Variants in SLC38A10 observed in about 807,000 individuals in gnomAD.
SLC38A10 encodes solute carrier family 38 member 10.
Under a neutral mutation model 81.0 loss-of-function variants are expected in SLC38A10, and 53 were observed. The ratio of observed to expected loss-of-function variants is 0.65; its 90% confidence interval spans 0.53 to 0.82. SLC38A10 has a LOEUF of 0.82. Ranked by LOEUF, SLC38A10 falls within the 40% of genes least tolerant of loss-of-function variation. The pLI, the probability that SLC38A10 is intolerant of heterozygous loss-of-function variation, is 0.00. For synonymous variants in SLC38A10, 665 were observed against 655.3 expected, an observed-to-expected ratio of 1.01 and a Z score of -0.23; for missense variants, 1,471 against 1,545.0, an observed-to-expected ratio of 0.95 and a Z score of 0.80.
At chr17:81,254,062 TC>T (rs1314540176) in intron 11 of SLC38A10, among the ~76,000 whole-genome samples, 1 of 151,786 alleles carries the variant, frequency 6.6e-6, no homozygotes, top group Non-Finnish European at 1.5e-5. Context: ...ACCTCCATCA[TC>T]GTCGTCACCT....
chr17:81,251,325 T>TGGG (rs770888604), intron 14 of SLC38A10, 168 bp downstream of exon 14: 163 of 1,612,622 alleles, frequency 1.0e-4, no homozygotes, highest in Non-Finnish European at 1.3e-4. Flanking sequence ...AAGCTGCTGA[T>TGGG]GGGAAGGGAG....
At position 81,286,930 on chromosome 17, in the gene SLC38A10, C is replaced by A. The variant is rs961906004; in HGVS notation, c.218-2035G>T. Among the ~76,000 whole-genome samples, 7 of 152,166 alleles carry A rather than the reference C, an allele frequency of 4.6e-5. No individual in the cohort carries two copies. Among genetic ancestry groups the A allele is most frequent in the Non-Finnish European group, 4.4e-5 (3 of 68,024 alleles). On this transcript the variant is annotated intron_variant, in intron 2 of 15. Coordinates refer to ENST00000374759, the MANE Select transcript of SLC38A10 (RefSeq NM_001037984.3). This position sits in a 1 kb window ranked among gnomAD's most constrained non-coding sequence, Gnocchi z 6.0. ...GGCACAACTCTCAACAGGGCAGGGT[C>A]TGGGGCTCAGAACAGCTTCATGAGA...
chr17:81,280,104 G>A (rs776770019), intron 6 of SLC38A10: 7 of 448,594 alleles, frequency 1.6e-5, no homozygotes, highest in South Asian at 9.4e-5. Context: ...TGTCATTTTG[G>A]TGGAGAAGGT....
chr17:81,267,857 T>C (rs2063082609), intron 10 of SLC38A10, among the ~76,000 whole-genome samples: 1 of 151,526 alleles, frequency 6.6e-6, no homozygotes, highest in Non-Finnish European at 1.5e-5. Flanking sequence ...CTGTTGCCCT[T>C]GGAGACTCAT....
intron 10 of SLC38A10, among the ~76,000 whole-genome samples, chr17:81,267,346 A>T (rs60364083): frequency 0.031 from 4,727 of 152,324 alleles, 148 homozygotes; most frequent in African/African-American, 0.082. Context: ...TACTAAAAAA[A>T]TGAGGGAGGA....
At chr17:81,255,749 A>T (rs901433688) in intron 11 of SLC38A10, among the ~76,000 whole-genome samples, 1 of 152,202 alleles carries the variant, frequency 6.6e-6, no homozygotes, top group African/African-American at 2.4e-5. Context: ...TAATCCCAGC[A>T]CTTTGAGAGG....
At position 81,270,252 on chromosome 17, in the gene SLC38A10, TAGA is replaced by T. The variant is rs766856702; in HGVS notation, c.1131+663_1131+665del. ...CACCCCTGACACAGGATTCCATTTC[TAGA>T]AGGCTTCCTACAGACGCGTGCTCAA... On this transcript the variant is annotated intron_variant, in intron 10 of 15. Transcript: ENST00000374759. The surrounding 1 kb of genome is among the most constrained non-coding windows in gnomAD (Gnocchi z 4.0). 3.3e-5 allele frequency among the ~76,000 whole-genome samples: 5 copies of T among 152,188 alleles called. No homozygotes were observed. Among genetic ancestry groups the T allele is most frequent in the African/African-American group, 7.2e-5 (3 of 41,436 alleles).
chr17:81,270,238 C>A lies in SLC38A10; in HGVS notation c.1131+680G>T, dbSNP rs1024445367. On this transcript the variant is annotated intron_variant, in intron 10 of 15. Transcript: ENST00000374759. The surrounding 1 kb of genome is among the most constrained non-coding windows in gnomAD (Gnocchi z 4.0). Reference sequence around the variant, plus strand: ...TTTACAGATGCTCACACCCCTGACACAGGATTCCATTTCTAGAAGGCTTCC... The same window carrying A: ...TTTACAGATGCTCACACCCCTGACAAAGGATTCCATTTCTAGAAGGCTTCC... Among the ~76,000 whole-genome samples, 1 of 152,220 alleles carries A rather than the reference C, an allele frequency of 6.6e-6. No individual in the cohort carries two copies. The highest frequency in any genetic ancestry group is 6.5e-5 in the Admixed American group (1 of 15,280).
chr17:81,272,419 G>T, intron 9 of SLC38A10, 97 bp downstream of exon 9: 1 of 630,054 alleles, frequency 1.6e-6, no homozygotes, highest in Non-Finnish European at 2.6e-6. Flanking sequence ...GACCAGAGAA[G>T]ATGGTCTCTG....
At chr17:81,250,280 G>T (rs1469867171) in intron 14 of SLC38A10, among the ~76,000 whole-genome samples, 1 of 152,344 alleles carries the variant, frequency 6.6e-6, no homozygotes, top group East Asian at 1.9e-4. Flanking sequence ...TCCTGAAGTG[G>T]CTCAGAGCTC....
In SLC38A10 at chr17:81,260,385, A is replaced by G; in HGVS notation, c.1141T>C (p.Trp381Arg). ...ACCACCAGGACGCCCAGGCCGACCC[A>G]CAGCACCACCTGAGGAGACAAAGAC... ...KNALSSQVVL[W>R]VGLGVLVVST... The change falls in exon 11 of 16, where the codon TGG becomes CGG. Residue 381 changes from tryptophan to arginine, a missense_variant. Physicochemically the swap from Trp to Arg is moderately radical, Grantham distance 101. This residue lies in a region of SLC38A10 where 720 missense variants were observed against 827.7 expected (regional missense o/e 0.87). Coordinates refer to ENST00000374759, the MANE Select transcript of SLC38A10 (RefSeq NM_001037984.3). 6.2e-7 allele frequency: 1 copy of G among 1,611,248 alleles called. No homozygotes were observed. The highest frequency in any genetic ancestry group is 2.2e-5 in the East Asian group (1 of 44,826).
At chr17:81,251,128 T>A in intron 14 of SLC38A10, 1 of 1,512,372 alleles carries the variant, frequency 6.6e-7, no homozygotes, top group East Asian at 2.3e-5. Flanking sequence ...TGGCTGGCTT[T>A]AAATACTCCG....
intron 8 of SLC38A10, among the ~76,000 whole-genome samples, chr17:81,273,652 A>C (rs2146930230): frequency 6.6e-6 from 1 of 152,302 alleles, no homozygotes; most frequent in South Asian, 2.1e-4. Flanking sequence ...ATTTGTATAC[A>C]GGCCATGGAG....
rs553086760 is a variant in SLC38A10, at chr17:81,250,290, C to T, written c.2065+1203G>A. ...CGAACTCCTGAAGTGGCTCAGAGCT[C>T]CGGGAGCCCAGGGGGCGCCTTTTGG... On this transcript the variant is annotated intron_variant, in intron 14 of 15. Coordinates refer to ENST00000374759, the MANE Select transcript of SLC38A10 (RefSeq NM_001037984.3). 1.3e-3 allele frequency among the ~76,000 whole-genome samples: 194 copies of T among 152,368 alleles called. 1 individual carries two copies. Among genetic ancestry groups the T allele is most frequent in the Admixed American group, 7.8e-3 (119 of 15,310 alleles).
At position 81,246,149 on chromosome 17, in the gene SLC38A10, C is replaced by T. The variant is rs755768428; in HGVS notation, c.2767G>A (p.Asp923Asn). The T allele has an allele frequency of 1.9e-6, 3 of 1,610,996 alleles. No individual in the cohort carries two copies. The highest frequency in any genetic ancestry group is 1.3e-5 in the African/African-American group (1 of 75,066). ...LVAGPGAETG[D>N]PRMKPKQVSR... is the part of the protein sequence containing the mutation. ...ACTTGCTTGGGCTTCATGCGAGGGTCCCCCGTCTCTGCTCCTGGCCCTGCC... is the reference window on the plus strand; with the variant it reads ...ACTTGCTTGGGCTTCATGCGAGGGTTCCCCGTCTCTGCTCCTGGCCCTGCC... Residue 923 changes from aspartate (D) to asparagine (N), a missense_variant, in exon 16 of 16, where the codon GAC (aspartate) becomes AAC (asparagine). Around this residue, in one of 2 missense-constraint regions of SLC38A10, gnomAD observed 751 missense variants for 717.4 expected, o/e 1.05. Coordinates refer to ENST00000374759, the MANE Select transcript of SLC38A10 (RefSeq NM_001037984.3).
intron 10 of SLC38A10, among the ~76,000 whole-genome samples, chr17:81,269,950 G>C (rs1318634563): frequency 6.6e-6 from 1 of 152,114 alleles, no homozygotes; most frequent in Non-Finnish European, 1.5e-5. Flanking sequence ...GGCAACAAGA[G>C]TGAAACTCTG....
chr17:81,290,571 G>A (rs150435773), intron 1 of SLC38A10, among the ~76,000 whole-genome samples: 13 of 152,186 alleles, frequency 8.5e-5, no homozygotes, highest in Non-Finnish European at 1.5e-4. Flanking sequence ...TTTAGGCCAG[G>A]GAACAGCTCA....
intron 15 of SLC38A10, 56 bp downstream of exon 15, chr17:81,246,829 A>T: frequency 2.0e-6 from 3 of 1,531,850 alleles, no homozygotes; most frequent in Non-Finnish European, 2.6e-6. Context: ...CCGCATGAGG[A>T]CAGCAGGAGA....
At position 81,248,192 on chromosome 17, in the gene SLC38A10, C is replaced by T. The variant is rs747661210; in HGVS notation, c.2066-1131G>A. On this transcript the variant is annotated intron_variant, in intron 14 of 15. Transcript: ENST00000374759. ...CAGGATGGTCTTGATCTCCTGACCT[C>T]GTGATTCGCACACCTCAGCCTCGCA... Among the ~76,000 whole-genome samples the T allele has an allele frequency of 1.8e-4, 28 of 152,190 alleles. No homozygotes were observed. The South Asian group carries it at 3.5e-3, about 19-fold the overall frequency.
Sources: allele counts gnomAD v4.1 joint callset (sites outside exome capture counted in the v4.1 genomes callset), GRCh38; gene constraint gnomAD v4.1.1; regional missense constraint gnomAD v4.1.1; non-coding constraint Gnocchi (gnomAD v3.1); transcripts MANE v1.5; gene names NCBI Gene and HGNC (gene_info 2026-07-23, HGNC 2026-07-21).